Variants in GPM6B observed in about 807,000 individuals in gnomAD.
The protein encoded by GPM6B is neuronal membrane glycoprotein M6-b.
In GPM6B, 4 loss-of-function variants were observed where a neutral mutation model predicts 27.2. That is an observed-to-expected ratio of 0.15 (90% CI 0.07 to 0.34). The LOEUF is 0.34. Ranked by LOEUF, GPM6B falls within the 10% of genes least tolerant of loss-of-function variation. GPM6B has a pLI of 1.00. For synonymous variants in GPM6B, 124 were observed against 103.1 expected (o/e 1.20, Z -1.23); for missense variants, 183 against 261.9 (o/e 0.70, Z 2.08).
intron 1 of GPM6B, among the ~76,000 whole-genome samples, chrX:13,846,007 T>C (rs919807758): frequency 1.3e-4 from 15 of 111,587 alleles, no homozygotes; most frequent in African/African-American, 4.6e-4. Context: ...TTATCACAGG[T>C]AGAACAAGTA....
At chrX:13,860,522 G>A (rs1319322186) in intron 1 of GPM6B, among the ~76,000 whole-genome samples, 3 of 107,769 alleles carry the variant, frequency 2.8e-5, no homozygotes, top group African/African-American at 1.0e-4. Context: ...TTATTCTCGA[G>A]GATTATCAAC....
intron 1 of GPM6B, among the ~76,000 whole-genome samples, chrX:13,933,825 A>G (rs946557108): frequency 1.8e-5 from 2 of 112,080 alleles, no homozygotes; most frequent in African/African-American, 3.2e-5. Context: ...AAGAATCTGA[A>G]GCTGAAAATC....
At chrX:13,835,240 G>A (rs924157467) in intron 1 of GPM6B, among the ~76,000 whole-genome samples, 66 of 111,250 alleles carry the variant, frequency 5.9e-4, no homozygotes, top group African/African-American at 2.2e-3. Flanking sequence ...GAGCCATCTG[G>A]TCCTCAGCCT....
chrX:13,886,103 C>G (rs2050132596), intron 1 of GPM6B, among the ~76,000 whole-genome samples: 2 of 112,260 alleles, frequency 1.8e-5, no homozygotes, highest in African/African-American at 3.2e-5. Flanking sequence ...TCTCCTGATT[C>G]TACAACACCT....
chrX:13,911,031 ACACT>A (rs1359586909), intron 1 of GPM6B, among the ~76,000 whole-genome samples: 1 of 112,165 alleles, frequency 8.9e-6, no homozygotes, highest in Non-Finnish European at 1.9e-5. Flanking sequence ...AAACTATTTA[ACACT>A]CAATCATGCA....
intron 1 of GPM6B, among the ~76,000 whole-genome samples, chrX:13,825,145 C>A (rs1013410612): frequency 2.7e-5 from 3 of 111,546 alleles, no homozygotes; most frequent in Non-Finnish European, 5.7e-5. Context: ...GACCCTACTT[C>A]CAAATAAGGC....
chrX:13,906,798 A>G (rs187700087), intron 1 of GPM6B, among the ~76,000 whole-genome samples: 114 of 112,123 alleles, frequency 1.0e-3, no homozygotes, highest in African/African-American at 3.6e-3. Flanking sequence ...ACTCTTTTTA[A>G]TGATCAGATA....
chrX:13,772,799 G>A lies in GPM6B; in HGVS notation c.*82C>T. ...TTGTACATCTACATTAGTTTGGTGG[G>A]ATACACATCTGTACTGCAGAGCAGC... is the stretch of plus-strand genomic sequence containing the variant. On this transcript the variant is annotated 3_prime_UTR_variant, in exon 8 of 8. Coordinates refer to ENST00000316715, the MANE Select transcript of GPM6B (RefSeq NM_001001995.3). The A allele has an allele frequency of 1.1e-6, 1 of 920,987 alleles. No homozygotes were observed. The highest frequency in any genetic ancestry group is 1.5e-6 in the Non-Finnish European group (1 of 651,550). The allele number at this position is 920,987 out of a possible 1,213,427, so 75.9% of individuals were successfully genotyped here.
chrX:13,901,042 T>C (rs1391219090), intron 1 of GPM6B, among the ~76,000 whole-genome samples: 2 of 112,064 alleles, frequency 1.8e-5, no homozygotes, highest in African/African-American at 6.5e-5. Flanking sequence ...TATAAGATTG[T>C]TTTGAGGATC....
intron 1 of GPM6B, among the ~76,000 whole-genome samples, chrX:13,900,722 A>T (rs2050275074): frequency 8.9e-6 from 1 of 111,957 alleles, no homozygotes; most frequent in Non-Finnish European, 1.9e-5. Context: ...TTAACTTTTA[A>T]ATCTTGGATA....
intron 1 of GPM6B, among the ~76,000 whole-genome samples, chrX:13,879,926 G>A (rs762851190): frequency 8.9e-6 from 1 of 111,755 alleles, no homozygotes; most frequent in African/African-American, 3.2e-5. Context: ...TTTGAGAACC[G>A]CTAGTATAAA....
chrX:13,773,153 C>T (rs1456751122), intron 7 of GPM6B, 123 bp from the exon 8 acceptor site: 5 of 531,699 alleles, frequency 9.4e-6, no homozygotes, highest in East Asian at 3.5e-5. Flanking sequence ...AATAAATACT[C>T]GCTCTACTAG....
intron 1 of GPM6B, among the ~76,000 whole-genome samples, chrX:13,854,154 C>CT (rs1227202393): frequency 3.6e-5 from 4 of 111,748 alleles, no homozygotes; most frequent in African/African-American, 1.3e-4. Flanking sequence ...TGGTCGGCTG[C>CT]TTGTCTGGAA....
intron 1 of GPM6B, among the ~76,000 whole-genome samples, chrX:13,836,618 T>C (rs1333012558): frequency 8.9e-6 from 1 of 112,676 alleles, no homozygotes; most frequent in East Asian, 2.8e-4. Flanking sequence ...ACATCCTATA[T>C]TTTTGTTTCA....
At chrX:13,876,419 A>G (rs2050033779) in intron 1 of GPM6B, among the ~76,000 whole-genome samples, 1 of 112,588 alleles carries the variant, frequency 8.9e-6, no homozygotes, top group Non-Finnish European at 1.9e-5. Context: ...TGGAAGTCTC[A>G]TTTGTTAAAA....
At chrX:13,845,386 C>T (rs983582895) in intron 1 of GPM6B, among the ~76,000 whole-genome samples, 3 of 111,850 alleles carry the variant, frequency 2.7e-5, no homozygotes, top group Admixed American at 9.5e-5. Context: ...TTCCATCTCA[C>T]GTAATTTTTG....
chrX:13,930,892 A>G (rs1425827555), intron 1 of GPM6B, among the ~76,000 whole-genome samples: 2 of 110,400 alleles, frequency 1.8e-5, no homozygotes, highest in Non-Finnish European at 1.9e-5. Flanking sequence ...ATATTTAAGG[A>G]AAAAAAAATG....
intron 1 of GPM6B, among the ~76,000 whole-genome samples, chrX:13,849,907 A>G (rs1207933294): frequency 2.7e-5 from 3 of 110,252 alleles, no homozygotes; most frequent in African/African-American, 9.9e-5. Context: ...AAAAATACAA[A>G]AATTAGCCAG....
intron 1 of GPM6B, among the ~76,000 whole-genome samples, chrX:13,887,799 A>C (rs2050151532): frequency 8.9e-6 from 1 of 112,027 alleles, no homozygotes; most frequent in Non-Finnish European, 1.9e-5. Flanking sequence ...AAATTAAATC[A>C]GAATTTCTGC....
Sources: allele counts gnomAD v4.1 joint callset (sites outside exome capture counted in the v4.1 genomes callset), GRCh38; gene constraint gnomAD v4.1.1; transcripts MANE v1.5; gene names NCBI Gene and HGNC (gene_info 2026-07-23, HGNC 2026-07-21).